Variants in ARHGAP44 observed in about 807,000 individuals in gnomAD.
ARHGAP44 encodes Rho GTPase activating protein 44.
A neutral mutation model predicts 106.8 loss-of-function variants in ARHGAP44; 43 were observed. That is an observed-to-expected ratio of 0.40 (90% CI 0.32 to 0.52). The LOEUF (loss-of-function observed/expected upper bound fraction) is 0.52, where lower values mean the gene tolerates loss of function less well. Ranked by LOEUF, ARHGAP44 falls within the 20% of genes least tolerant of loss-of-function variation. The pLI is 0.48. For missense variants in ARHGAP44, 866 were observed against 1,050.5 expected (o/e 0.82, Z 2.43); for synonymous variants, 439 against 410.3 (o/e 1.07, Z -0.85).
intron 1 of ARHGAP44, among the ~76,000 whole-genome samples, chr17:12,802,935 A>G (rs1597861471): frequency 2.4e-4 from 2 of 8,386 alleles, no homozygotes; most frequent in African/African-American, 1.1e-3. Flanking sequence ...ATTTATATAT[A>G]TATATATATA....
chr17:12,899,646 C>T (rs1015490460), intron 3 of ARHGAP44, among the ~76,000 whole-genome samples: 2 of 151,684 alleles, frequency 1.3e-5, no homozygotes, highest in African/African-American at 4.8e-5. Context: ...TGAACAGACA[C>T]TGTCTCGGGA....
intron 1 of ARHGAP44, among the ~76,000 whole-genome samples, chr17:12,854,305 T>G (rs2035842926): frequency 6.6e-6 from 1 of 152,184 alleles, no homozygotes; most frequent in East Asian, 1.9e-4. Context: ...AGTGGCCTGA[T>G]CTGTTGTGGT....
intron 13 of ARHGAP44, among the ~76,000 whole-genome samples, chr17:12,953,008 T>C (rs1337599664): frequency 6.6e-6 from 1 of 152,072 alleles, no homozygotes; most frequent in African/African-American, 2.4e-5. Flanking sequence ...CATTGGCTAA[T>C]TCAGTTAAAG....
chr17:12,864,322 TGAGA>T (rs1490195264), intron 1 of ARHGAP44, among the ~76,000 whole-genome samples: 2 of 152,164 alleles, frequency 1.3e-5, no homozygotes, highest in Non-Finnish European at 2.9e-5. Flanking sequence ...TGGTGTGAAT[TGAGA>T]GGCCAGAGTG....
intron 1 of ARHGAP44, among the ~76,000 whole-genome samples, chr17:12,893,836 G>A (rs564882091): frequency 2.6e-5 from 4 of 152,176 alleles, no homozygotes; most frequent in Non-Finnish European, 5.9e-5. Flanking sequence ...GAGCCTCTTG[G>A]TGTTTTAGGT....
chr17:12,896,432 A>G lies in ARHGAP44; in HGVS notation c.119A>G (p.Lys40Arg). The change falls in exon 3 of 21, where the codon AAA becomes AGA. Residue 40 changes from lysine to arginine, a missense_variant. Physicochemically the swap from Lys to Arg is conservative, Grantham distance 26 (BLOSUM62 2). Around this residue, in one of 2 missense-constraint regions of ARHGAP44, gnomAD observed 448 missense variants for 646.9 expected, o/e 0.69. Coordinates refer to ENST00000379672, the MANE Select transcript of ARHGAP44 (RefSeq NM_014859.6). ...LQVEKRLELV[K>R]QVSHSTHKKL... The stretch of plus-strand genomic sequence containing the variant: ...GTGGAGAAGCGTCTGGAGCTGGTGA[A>G]ACAGGTGTCCCACAGCACGCACAAG... 1.2e-6 allele frequency: 2 copies of G among 1,607,156 alleles called. No individual in the cohort carries two copies. Among genetic ancestry groups the G allele is most frequent in the Non-Finnish European group, 1.7e-6 (2 of 1,177,150 alleles).
At chr17:12,796,569 C>G (rs2033927623) in intron 1 of ARHGAP44, among the ~76,000 whole-genome samples, 1 of 151,616 alleles carries the variant, frequency 6.6e-6, no homozygotes, top group Non-Finnish European at 1.5e-5. Flanking sequence ...GACCCCACCT[C>G]TTTTATTTTC....
chr17:12,935,368 G>A (rs999661196), intron 7 of ARHGAP44, among the ~76,000 whole-genome samples: 7 of 152,136 alleles, frequency 4.6e-5, no homozygotes, highest in African/African-American at 1.7e-4. Flanking sequence ...GAGGTTAGGA[G>A]TTCAAGACCA....
chr17:12,921,334 T>C (rs2322708), intron 6 of ARHGAP44, among the ~76,000 whole-genome samples: 115,017 of 151,962 alleles, frequency 0.76, 43,963 homozygotes, highest in East Asian at 0.98. Context: ...CCCAAAGTGC[T>C]GGGAAATTTT....
At chr17:12,840,563 A>G (rs76087200) in intron 1 of ARHGAP44, among the ~76,000 whole-genome samples, 5,719 of 152,188 alleles carry the variant, frequency 0.038, 141 homozygotes, top group East Asian at 0.059. Flanking sequence ...GGAGCACCCA[A>G]TGTCTGGCCT....
At chr17:12,884,077 A>G (rs183553472) in intron 1 of ARHGAP44, among the ~76,000 whole-genome samples, 3 of 152,126 alleles carry the variant, frequency 2.0e-5, no homozygotes, top group Non-Finnish European at 1.5e-5. Context: ...CTCAAAGTCT[A>G]TTAGATTAGT....
intron 1 of ARHGAP44, among the ~76,000 whole-genome samples, chr17:12,822,064 TGA>T (rs2034786769): frequency 6.6e-6 from 1 of 152,306 alleles, no homozygotes; most frequent in African/African-American, 2.4e-5. Context: ...TTAAAAGTAT[TGA>T]GAGTCTGAGC....
chr17:12,857,373 T>C (rs2150859726), intron 1 of ARHGAP44, among the ~76,000 whole-genome samples: 1 of 152,312 alleles, frequency 6.6e-6, no homozygotes, highest in South Asian at 2.1e-4. Context: ...GGAACTAGCA[T>C]CTGGTGAGGC....
chr17:12,963,336 C>G (rs751502350), intron 16 of ARHGAP44, among the ~76,000 whole-genome samples: 29 of 151,842 alleles, frequency 1.9e-4, no homozygotes, highest in African/African-American at 6.8e-4. Flanking sequence ...CTTGTAGATT[C>G]TTCCTGGGTC....
intron 1 of ARHGAP44, among the ~76,000 whole-genome samples, chr17:12,797,476 G>A (rs2033958752): frequency 6.6e-6 from 1 of 152,040 alleles, no homozygotes; most frequent in African/African-American, 2.4e-5. Flanking sequence ...TTTATTGTCT[G>A]TTGGTTCTGG....
chr17:12,825,525 G>C lies in ARHGAP44; in HGVS notation c.53+35634G>C, dbSNP rs80332923. ...TTGTTAAGCTTGAAATCTGCCGGGC[G>C]AGTGGCAGGCTGGAGACCCAAGGGA... On this transcript the variant is annotated intron_variant, in intron 1 of 20. Transcript: ENST00000379672. Among the ~76,000 whole-genome samples the C allele has an allele frequency of 2.6e-5, 4 of 151,978 alleles. 1 individual carries two copies. In the East Asian group the frequency reaches 5.8e-4, roughly 22 times the overall value.
intron 1 of ARHGAP44, among the ~76,000 whole-genome samples, chr17:12,838,721 G>A (rs2035309310): frequency 6.6e-6 from 1 of 152,092 alleles, no homozygotes; most frequent in Admixed American, 6.6e-5. Flanking sequence ...CCCCAGATTG[G>A]AGTGCAGTGG....
At chr17:12,979,139 C>T (rs1260379836) in intron 18 of ARHGAP44, among the ~76,000 whole-genome samples, 1 of 152,182 alleles carries the variant, frequency 6.6e-6, no homozygotes, top group East Asian at 1.9e-4. Context: ...TCCCCTGATT[C>T]ACTAAAGGCC....
rs1204884805 is a variant in ARHGAP44 at position 12,952,601 on chromosome 17, G to A, written c.1136+20G>A. Reference sequence around the variant, plus strand: ...CATCCGGTAAGTGGATACTTACCAAGTATAGACACATGGCTTGGGCTTATG... The same window carrying A: ...CATCCGGTAAGTGGATACTTACCAAATATAGACACATGGCTTGGGCTTATG... On this transcript the variant is annotated intron_variant, in intron 13 of 20. Coordinates refer to ENST00000379672, the MANE Select transcript of ARHGAP44 (RefSeq NM_014859.6). 1.3e-6 allele frequency: 2 copies of A among 1,534,384 alleles called. No individual in the cohort carries two copies. The highest frequency in any genetic ancestry group is 1.9e-5 in the Admixed American group (1 of 51,382).
Sources: gnomAD v4.1 joint callset for allele counts (sites outside exome capture counted in the v4.1 genomes callset) on GRCh38, gnomAD v4.1.1 for gene constraint, gnomAD v4.1.1 regional missense constraint, MANE v1.5 for transcripts, NCBI Gene and HGNC (gene_info 2026-07-23, HGNC 2026-07-21) for gene names.